The following GPM6A variants were observed in gnomAD, a reference collection of about 807,000 sequenced individuals.
The protein encoded by GPM6A is glycoprotein M6A, also known as neuronal membrane glycoprotein M6-a.
GPM6A carries 7 observed loss-of-function variants against 32.1 expected under a neutral mutation model. The observed-to-expected ratio is 0.22, with a 90% CI of 0.12 to 0.41. The LOEUF (loss-of-function observed/expected upper bound fraction) is 0.41, where lower values mean the gene tolerates loss of function less well. GPM6A is among the 10% of genes least tolerant of loss of function. The pLI is 1.00. For synonymous variants in GPM6A, 130 were observed against 123.4 expected (o/e 1.05, Z -0.35); for missense variants, 235 against 347.2 (o/e 0.68, Z 2.57).
chr4:175,813,033 C>G (rs1455079940), upstream of GPM6A: 2 of 983,954 alleles, frequency 2.0e-6, no homozygotes, highest in Non-Finnish European at 2.4e-6. Context: ...CTGAGAGATA[C>G]ATGTTTTAAG....
At chr4:175,954,580 CAA>C (rs1288229158) in intron 1 of GPM6A, among the ~76,000 whole-genome samples, 1 of 152,142 alleles carries the variant, frequency 6.6e-6, no homozygotes, top group Non-Finnish European at 1.5e-5. Flanking sequence ...CAAGCCAAAG[CAA>C]AAGTCTTAAG....
At chr4:175,647,164 G>C (rs1288003585) in intron 4 of GPM6A, among the ~76,000 whole-genome samples, 1 of 152,212 alleles carries the variant, frequency 6.6e-6, no homozygotes, top group African/African-American at 2.4e-5. Flanking sequence ...ATAAGAGGTA[G>C]GATTGGCTAA....
intron 1 of GPM6A, among the ~76,000 whole-genome samples, chr4:175,783,235 A>C (rs1020604071): frequency 6.6e-6 from 1 of 152,028 alleles, no homozygotes; most frequent in South Asian, 2.1e-4. Context: ...TTTCATCTAC[A>C]TAAGAAACTT....
intron 1 of GPM6A, among the ~76,000 whole-genome samples, chr4:175,837,841 T>A (rs1052666276): frequency 6.6e-6 from 1 of 152,144 alleles, no homozygotes; most frequent in Non-Finnish European, 1.5e-5. Flanking sequence ...GAGATCGCTA[T>A]TTTTTTCTGT....
chr4:175,924,048 T>C (rs1738754539), intron 1 of GPM6A, among the ~76,000 whole-genome samples: 1 of 152,342 alleles, frequency 6.6e-6, no homozygotes, highest in Admixed American at 6.5e-5. Flanking sequence ...TCATTATTAA[T>C]AGTTGCACTC....
At chr4:175,704,425 G>A (rs1051276121) in intron 1 of GPM6A, among the ~76,000 whole-genome samples, 1 of 152,064 alleles carries the variant, frequency 6.6e-6, no homozygotes, top group Non-Finnish European at 1.5e-5. Flanking sequence ...TCATGTAATA[G>A]GAAGAGATTT....
chr4:175,845,851 T>C (rs1404559792), intron 1 of GPM6A, among the ~76,000 whole-genome samples: 1 of 152,090 alleles, frequency 6.6e-6, no homozygotes, highest in African/African-American at 2.4e-5. Context: ...TAAAAAACCT[T>C]GACTGTCTCT....
At chr4:175,745,508 AG>A (rs1337356869) in intron 1 of GPM6A, among the ~76,000 whole-genome samples, 1 of 152,190 alleles carries the variant, frequency 6.6e-6, no homozygotes, top group Middle Eastern at 3.2e-3. Context: ...GCTGGATGCT[AG>A]AAGAACCCAG....
chr4:175,637,992 C>T (rs1015515333), intron 6 of GPM6A, among the ~76,000 whole-genome samples: 1 of 144,806 alleles, frequency 6.9e-6, no homozygotes, highest in African/African-American at 2.6e-5. Context: ...TTTCCTCTGG[C>T]CTTAAGGGGA....
intron 1 of GPM6A, among the ~76,000 whole-genome samples, chr4:175,990,452 G>GT (rs951203783): frequency 3.9e-5 from 6 of 152,112 alleles, no homozygotes; most frequent in Non-Finnish European, 5.9e-5. Flanking sequence ...CTGTGTGCAA[G>GT]TTTTTATCTC....
chr4:175,764,739 A>T (rs1732890652), intron 1 of GPM6A, among the ~76,000 whole-genome samples: 2 of 151,946 alleles, frequency 1.3e-5, no homozygotes, highest in South Asian at 4.1e-4. Flanking sequence ...TCTGGTATAC[A>T]TCTCAAACTT....
chr4:175,981,756 T>C (rs573657697), intron 1 of GPM6A, among the ~76,000 whole-genome samples: 1 of 152,266 alleles, frequency 6.6e-6, no homozygotes, highest in South Asian at 2.1e-4. Context: ...AAGGGAGGGC[T>C]TGCTGGAACA....
chr4:175,907,984 T>C (rs1251333834), intron 1 of GPM6A, among the ~76,000 whole-genome samples: 1 of 152,110 alleles, frequency 6.6e-6, no homozygotes, highest in Admixed American at 6.6e-5. Flanking sequence ...TCCTACACTG[T>C]TGAATAGTAA....
At chr4:175,911,906 G>T (rs912758768) in intron 1 of GPM6A, among the ~76,000 whole-genome samples, 1 of 152,098 alleles carries the variant, frequency 6.6e-6, no homozygotes, top group African/African-American at 2.4e-5. Flanking sequence ...GGCAGGAAAC[G>T]GAGTGACAAA....
intron 2 of GPM6A, among the ~76,000 whole-genome samples, chr4:175,677,069 A>G (rs1743412349): frequency 6.6e-6 from 1 of 152,164 alleles, no homozygotes; most frequent in Non-Finnish European, 1.5e-5. Flanking sequence ...GATCAACTTC[A>G]AGATTCATCA....
At chr4:175,839,405 A>C (rs1735872103) in intron 1 of GPM6A, among the ~76,000 whole-genome samples, 4 of 152,218 alleles carry the variant, frequency 2.6e-5, no homozygotes, top group Admixed American at 2.6e-4. Context: ...CTTTGCATAA[A>C]AATTAAGCAA....
At chr4:175,920,090 G>A (rs1738617578) in intron 1 of GPM6A, among the ~76,000 whole-genome samples, 1 of 152,234 alleles carries the variant, frequency 6.6e-6, no homozygotes, top group Non-Finnish European at 1.5e-5. Flanking sequence ...GCCATCAATT[G>A]TGCATGTGAG....
chr4:175,849,547 C>T (rs1736188428), intron 1 of GPM6A, among the ~76,000 whole-genome samples: 1 of 152,182 alleles, frequency 6.6e-6, no homozygotes, highest in Non-Finnish European at 1.5e-5. Flanking sequence ...TTTGTTACTG[C>T]AGCATAATCT....
intron 1 of GPM6A, among the ~76,000 whole-genome samples, chr4:175,851,664 A>G (rs1207642684): frequency 6.6e-6 from 1 of 152,130 alleles, no homozygotes; most frequent in Non-Finnish European, 1.5e-5. Context: ...CTGTCAATCT[A>G]TTTCCCTTCA....
Sources: allele counts gnomAD v4.1 joint callset (sites outside exome capture counted in the v4.1 genomes callset), GRCh38; gene constraint gnomAD v4.1.1; transcripts MANE v1.5; gene names NCBI Gene and HGNC (gene_info 2026-07-23, HGNC 2026-07-21).